Variants in ADAM32 observed in about 807,000 individuals in gnomAD.
ADAM32 encodes the protein disintegrin and metalloproteinase domain-containing protein 32.
A neutral mutation model predicts 114.9 loss-of-function variants in ADAM32; 89 were observed. The ratio of observed to expected loss-of-function variants is 0.77; its 90% CI spans 0.65 to 0.92. The LOEUF is 0.92. Among genes scored for constraint, ADAM32 ranks in the 40% least tolerant of loss-of-function variants. The pLI, the probability that ADAM32 is intolerant of heterozygous loss-of-function variation, is 0.00. For synonymous variants in ADAM32, 285 were observed against 307.5 expected, an observed-to-expected ratio of 0.93 and a Z score of 0.77; for missense variants, 870 against 932.8, an observed-to-expected ratio of 0.93 and a Z score of 0.88.
At chr8:39,125,030 A>G (rs556409745) in intron 2 of ADAM32, among the ~76,000 whole-genome samples, 10 of 152,206 alleles carry the variant, frequency 6.6e-5, no homozygotes, top group African/African-American at 2.4e-4. Flanking sequence ...ACTTTTTAAT[A>G]ATCACCATTC....
intron 11 of ADAM32, among the ~76,000 whole-genome samples, chr8:39,199,787 A>G (rs1426492237): frequency 2.1e-5 from 3 of 143,046 alleles, no homozygotes; most frequent in Admixed American, 2.1e-4. Context: ...CCACCCCACA[A>G]CAGGCACCGG....
intron 10 of ADAM32, among the ~76,000 whole-genome samples, chr8:39,180,228 G>C (rs892868867): frequency 2.1e-4 from 32 of 152,324 alleles, no homozygotes; most frequent in Admixed American, 1.6e-3. Context: ...CGGCCCTGCC[G>C]ACCCCAGGCA....
intron 9 of ADAM32, chr8:39,168,788 T>C (rs1412986538): frequency 6.6e-6 from 1 of 151,954 alleles, no homozygotes; most frequent in Non-Finnish European, 1.5e-5. Context: ...AGCAAGGTGG[T>C]AGATCTTGAC....
intron 17 of ADAM32, among the ~76,000 whole-genome samples, chr8:39,249,080 A>G (rs1811121802): frequency 6.6e-6 from 1 of 151,438 alleles, no homozygotes; most frequent in African/African-American, 2.4e-5. Flanking sequence ...ATTTTTTTGT[A>G]TTTTTAGTAG....
intron 12 of ADAM32, among the ~76,000 whole-genome samples, chr8:39,212,941 G>A (rs1808323957): frequency 6.6e-6 from 1 of 152,098 alleles, no homozygotes; most frequent in Non-Finnish European, 1.5e-5. Flanking sequence ...AGCTATTCCA[G>A]TGGTTTTGTA....
At chr8:39,181,357 T>G (rs1191384505) in intron 10 of ADAM32, among the ~76,000 whole-genome samples, 1 of 152,080 alleles carries the variant, frequency 6.6e-6, no homozygotes, top group African/African-American at 2.4e-5. Flanking sequence ...CGTCTGCAGC[T>G]TCACTCCTGA....
At chr8:39,227,001 T>C (rs1809419668) in intron 14 of ADAM32, among the ~76,000 whole-genome samples, 1 of 152,188 alleles carries the variant, frequency 6.6e-6, no homozygotes, top group Non-Finnish European at 1.5e-5. Context: ...TGGATCATCA[T>C]GGCGGATGGG....
Position 39,154,836 on chromosome 8 carries a change from GTCT to G in ADAM32, c.525+3293_525+3295del, listed in dbSNP as rs372674055. Among the ~76,000 whole-genome samples the G allele has an allele frequency of 2.9e-3, 434 of 150,286 alleles. 1 individual carries two copies. The highest frequency in any genetic ancestry group is 9.7e-3 in the African/African-American group (401 of 41,144). On this transcript the variant is annotated intron_variant, in intron 6 of 24. Coordinates refer to ENST00000379907, the MANE Select transcript of ADAM32 (RefSeq NM_145004.7). ...TCATATGTTTGTTGGTTGCATAAAT[GTCT>G]TCTTTTGAGAAGTGTCTGTTCAAAC...
At chr8:39,277,633 C>T (rs759117827) in intron 22 of ADAM32, among the ~76,000 whole-genome samples, 2 of 152,164 alleles carry the variant, frequency 1.3e-5, no homozygotes, top group Non-Finnish European at 1.5e-5. Context: ...TGGAACCAGC[C>T]GGCCATTTCA....
chr8:39,202,685 G>A (rs143989250), intron 11 of ADAM32, among the ~76,000 whole-genome samples: 4,166 of 152,174 alleles, frequency 0.027, 212 homozygotes, highest in African/African-American at 0.095. Context: ...TTTTGAATGT[G>A]TTTGCTCTTG....
intron 22 of ADAM32, among the ~76,000 whole-genome samples, chr8:39,280,882 A>G (rs1210273295): frequency 1.3e-5 from 2 of 151,636 alleles, no homozygotes; most frequent in Non-Finnish European, 2.9e-5. Context: ...TCCTGGGTTC[A>G]CTCCATTCTC....
chr8:39,208,489 G>T (rs1414466333), intron 11 of ADAM32, among the ~76,000 whole-genome samples: 1 of 152,062 alleles, frequency 6.6e-6, no homozygotes, highest in South Asian at 2.1e-4. Flanking sequence ...AAATTTGTTT[G>T]TTTACTTTTA....
At chr8:39,148,878 G>A (rs1269968311) in intron 4 of ADAM32, among the ~76,000 whole-genome samples, 1 of 152,074 alleles carries the variant, frequency 6.6e-6, no homozygotes, top group Non-Finnish European at 1.5e-5. Flanking sequence ...GACAATGTTT[G>A]TGACTCTGTG....
chr8:39,189,415 C>T (rs1806454661), intron 11 of ADAM32, among the ~76,000 whole-genome samples: 1 of 152,036 alleles, frequency 6.6e-6, no homozygotes, highest in Non-Finnish European at 1.5e-5. Flanking sequence ...CTTAAGCGCT[C>T]CTTCCATTAT....
chr8:39,219,110 T>C (rs998865286), intron 12 of ADAM32, among the ~76,000 whole-genome samples: 2 of 151,916 alleles, frequency 1.3e-5, no homozygotes, highest in Admixed American at 1.3e-4. Context: ...CCCTATCTTA[T>C]TGTGGCTGAT....
intron 2 of ADAM32, 31 bp from the exon 3 acceptor site, chr8:39,136,626 T>C: frequency 7.2e-7 from 1 of 1,391,874 alleles, no homozygotes; most frequent in Non-Finnish European, 9.7e-7. Flanking sequence ...ATTAAATTTG[T>C]CTTCACTCTC....
At chr8:39,145,448 C>T (rs1803449808) in intron 3 of ADAM32, among the ~76,000 whole-genome samples, 1 of 152,050 alleles carries the variant, frequency 6.6e-6, no homozygotes, top group Non-Finnish European at 1.5e-5. Flanking sequence ...AATTAAACCA[C>T]AGAAATGAAC....
intron 11 of ADAM32, among the ~76,000 whole-genome samples, chr8:39,190,477 C>G (rs1024930623): frequency 6.6e-6 from 1 of 152,166 alleles, no homozygotes; most frequent in South Asian, 2.1e-4. Context: ...CACAATACTT[C>G]CTATCATGGC....
chr8:39,111,279 G>A (rs12542595), intron 1 of ADAM32, among the ~76,000 whole-genome samples: 97,551 of 152,022 alleles, frequency 0.64, 33,985 homozygotes, highest in South Asian at 0.87. Flanking sequence ...GTTAGGCTCA[G>A]TGGTATAGGT....
Sources: allele counts gnomAD v4.1 joint callset (sites outside exome capture counted in the v4.1 genomes callset), GRCh38; gene constraint gnomAD v4.1.1; transcripts MANE v1.5; gene names NCBI Gene and HGNC (gene_info 2026-07-23, HGNC 2026-07-21).